FSTL5: variants seen among roughly 807,000 people sequenced by gnomAD.
FSTL5 encodes follistatin-related protein 5.
In FSTL5, 62 loss-of-function variants were observed where a neutral mutation model predicts 89.1. That is an observed-to-expected ratio of 0.70 (90% CI 0.57 to 0.86). The LOEUF (loss-of-function observed/expected upper bound fraction) is 0.86. FSTL5 is among the 40% of genes least tolerant of loss of function. The pLI is 0.00. For synonymous variants in FSTL5, 383 were observed against 346.2 expected, an observed-to-expected ratio of 1.11 and a Z score of -1.18; for missense variants, 1,057 against 1,001.6, an observed-to-expected ratio of 1.06 and a Z score of -0.75.
At chr4:162,094,435 T>A (rs142387477) in intron 2 of FSTL5, among the ~76,000 whole-genome samples, 2 of 152,226 alleles carry the variant, frequency 1.3e-5, no homozygotes, top group East Asian at 3.9e-4. Flanking sequence ...ACACGAGAAT[T>A]TCATAATAGT....
intron 2 of FSTL5, among the ~76,000 whole-genome samples, chr4:162,093,510 G>C (rs1205890969): frequency 6.6e-6 from 1 of 152,124 alleles, no homozygotes; most frequent in Non-Finnish European, 1.5e-5. Flanking sequence ...AGCCAATCCT[G>C]CTGGGATTAA....
At chr4:161,922,881 A>T (rs1260045123) in intron 3 of FSTL5, among the ~76,000 whole-genome samples, 1 of 151,954 alleles carries the variant, frequency 6.6e-6, no homozygotes, top group African/African-American at 2.4e-5. Flanking sequence ...TTTTTACATG[A>T]TTGCTTTTTA....
intron 10 of FSTL5, among the ~76,000 whole-genome samples, chr4:161,518,843 G>T (rs924954019): frequency 6.6e-6 from 1 of 152,142 alleles, no homozygotes; most frequent in African/African-American, 2.4e-5. Flanking sequence ...ATGTAGCTTG[G>T]CTGGGAGGGT....
At chr4:161,841,545 T>G (rs538769421) in intron 4 of FSTL5, among the ~76,000 whole-genome samples, 6 of 152,244 alleles carry the variant, frequency 3.9e-5, no homozygotes, top group Admixed American at 3.9e-4. Context: ...ATTTATTGAG[T>G]AGCTTTCTAG....
In FSTL5 at chr4:161,605,384, T is replaced by A. The variant is rs73862337; in HGVS notation, c.895-17809A>T. ...ATGATTTAATTACATATAATTTTAT[T>A]TCTAGGCCCTAAAGATATGTATATC... is the stretch of plus-strand genomic sequence containing the variant. On this transcript the variant is annotated intron_variant, in intron 7 of 15. Coordinates refer to ENST00000306100, the MANE Select transcript of FSTL5 (RefSeq NM_020116.5). 6.0e-3 allele frequency among the ~76,000 whole-genome samples: 914 copies of A among 152,286 alleles called. 7 individuals carry two copies. The highest frequency in any genetic ancestry group is 0.021 in the African/African-American group (868 of 41,542).
chr4:161,604,053 TA>T (rs1734349537), intron 7 of FSTL5, among the ~76,000 whole-genome samples: 1 of 152,200 alleles, frequency 6.6e-6, no homozygotes, highest in Non-Finnish European at 1.5e-5. Context: ...CTTCAAATCA[TA>T]AAACTAACCA....
chr4:161,674,931 C>A (rs1283329993), intron 6 of FSTL5, among the ~76,000 whole-genome samples: 1 of 152,072 alleles, frequency 6.6e-6, no homozygotes, highest in Non-Finnish European at 1.5e-5. Flanking sequence ...GATGGAGAAC[C>A]TCTCTTCCAC....
At chr4:161,712,141 T>C (rs1738802331) in intron 6 of FSTL5, among the ~76,000 whole-genome samples, 1 of 152,178 alleles carries the variant, frequency 6.6e-6, no homozygotes, top group Non-Finnish European at 1.5e-5. Context: ...TGACTGTCAA[T>C]GCATAAGGCA....
intron 4 of FSTL5, among the ~76,000 whole-genome samples, chr4:161,792,136 T>C (rs527256490): frequency 2.0e-5 from 3 of 152,278 alleles, no homozygotes; most frequent in Admixed American, 6.5e-5. Flanking sequence ...CAACTCCTGG[T>C]GTCTGCTCTG....
chr4:162,084,501 T>G (rs1450540020), intron 2 of FSTL5, among the ~76,000 whole-genome samples: 1 of 151,956 alleles, frequency 6.6e-6, no homozygotes, highest in African/African-American at 2.4e-5. Context: ...CTATTCACAA[T>G]AGTAAAGATT....
chr4:161,508,853 G>T (rs1444319431), intron 11 of FSTL5, among the ~76,000 whole-genome samples: 1 of 151,956 alleles, frequency 6.6e-6, no homozygotes, highest in African/African-American at 2.4e-5. Flanking sequence ...ATTTTGTATG[G>T]CAAAGCTTCA....
chr4:161,843,436 G>C (rs986816099), intron 4 of FSTL5, among the ~76,000 whole-genome samples: 1 of 152,026 alleles, frequency 6.6e-6, no homozygotes, highest in Non-Finnish European at 1.5e-5. Flanking sequence ...TTATTTCCTT[G>C]AGCAGTAGTT....
In FSTL5 at chr4:161,830,526, T is replaced by G. The variant is rs539387302; in HGVS notation, c.410-54452A>C. Among the ~76,000 whole-genome samples, 9 of 152,124 alleles carry G rather than the reference T, an allele frequency of 5.9e-5. No homozygotes were observed. In the South Asian group the frequency reaches 1.2e-3, roughly 21 times the overall value. ...TATTATGAGTAAGAAAAATCCTAGT[T>G]TCTCTGTTCATTTATGTTGTGGCCT... On this transcript the variant is annotated intron_variant, in intron 4 of 15. Coordinates refer to ENST00000306100, the MANE Select transcript of FSTL5 (RefSeq NM_020116.5).
intron 2 of FSTL5, among the ~76,000 whole-genome samples, chr4:162,040,559 G>GA (rs35180216): frequency 1.2e-4 from 18 of 151,688 alleles, no homozygotes; most frequent in Non-Finnish European, 1.2e-4. Flanking sequence ...AGTGGGCATA[G>GA]AAAAAAATGC....
In FSTL5 at chr4:161,775,958, T is replaced by C; in HGVS notation, c.526A>G (p.Lys176Glu). Residue 176 changes from lysine to glutamate, a missense_variant, in exon 5 of 16, where the codon AAG (lysine) becomes GAG (glutamate). Coordinates refer to ENST00000306100, the MANE Select transcript of FSTL5 (RefSeq NM_020116.5). The part of the protein sequence containing the change: ...ENPNGDDISR[K>E]KLLVDQMFKY... Reference sequence around the variant, plus strand: ...AACATTTGATCCACCAATAGCTTCTTCCGAGATATGTCGTCGCCATTAGGA... The same window carrying C: ...AACATTTGATCCACCAATAGCTTCTCCCGAGATATGTCGTCGCCATTAGGA... 1 of 1,608,560 alleles carries C rather than the reference T, an allele frequency of 6.2e-7. No homozygotes were observed. Among genetic ancestry groups the C allele is most frequent in the East Asian group, 2.2e-5 (1 of 44,616 alleles).
chr4:161,982,728 T>C (rs1735858819), intron 3 of FSTL5, among the ~76,000 whole-genome samples: 1 of 152,212 alleles, frequency 6.6e-6, no homozygotes, highest in Non-Finnish European at 1.5e-5. Flanking sequence ...CTTTTGACTA[T>C]GGTTCAATAA....
At chr4:161,771,844 T>A (rs1741221567) in intron 5 of FSTL5, among the ~76,000 whole-genome samples, 3 of 152,174 alleles carry the variant, frequency 2.0e-5, no homozygotes, top group Admixed American at 2.0e-4. Flanking sequence ...CACTTTGATA[T>A]ACATTTGCAT....
chr4:161,750,520 A>G (rs1740359208), intron 6 of FSTL5, among the ~76,000 whole-genome samples: 1 of 152,168 alleles, frequency 6.6e-6, no homozygotes, highest in African/African-American at 2.4e-5. Flanking sequence ...CGTGACTGCT[A>G]GAAAATTTCA....
intron 10 of FSTL5, among the ~76,000 whole-genome samples, chr4:161,519,947 T>A (rs1254212423): frequency 6.6e-6 from 1 of 152,148 alleles, no homozygotes; most frequent in Non-Finnish European, 1.5e-5. Context: ...TGGCACATAA[T>A]CAGTTGTTCA....
Sources: gnomAD v4.1 joint callset for allele counts (sites outside exome capture counted in the v4.1 genomes callset) on GRCh38, gnomAD v4.1.1 for gene constraint, MANE v1.5 for transcripts, NCBI Gene and HGNC (gene_info 2026-07-23, HGNC 2026-07-21) for gene names.